Variants in RFX4 observed in about 807,000 individuals in gnomAD.
RFX4 encodes transcription factor RFX4.
A neutral mutation model predicts 95.0 loss-of-function variants in RFX4; 10 were observed. That is an observed-to-expected ratio of 0.11 (90% CI 0.06 to 0.18). RFX4 has a LOEUF of 0.18. RFX4 is among the 10% of genes least tolerant of loss of function. RFX4 has a pLI of 1.00. For missense variants in RFX4, 640 were observed against 922.0 expected, an observed-to-expected ratio of 0.69 and a Z score of 3.96; for synonymous variants, 321 against 340.7, an observed-to-expected ratio of 0.94 and a Z score of 0.64.
intron 5 of RFX4, chr12:106,685,044 G>A: frequency 6.7e-7 from 1 of 1,487,756 alleles, no homozygotes; most frequent in Non-Finnish European, 9.1e-7. Flanking sequence ...GTATCTCCAT[G>A]GGTAGAGAAA....
intron 4 of RFX4, 106 bp from the exon 5 acceptor site, chr12:106,681,887 C>A: frequency 8.5e-7 from 1 of 1,179,236 alleles, no homozygotes; most frequent in Non-Finnish European, 1.3e-6. Flanking sequence ...TCATTGCAAC[C>A]AAGGACCTAT....
chr12:106,727,935 T>C (rs1323102366), intron 13 of RFX4, among the ~76,000 whole-genome samples: 3 of 152,146 alleles, frequency 2.0e-5, no homozygotes, highest in African/African-American at 4.8e-5. Flanking sequence ...TCAGTTTTTA[T>C]AAAATCATTG....
intron 2 of RFX4, among the ~76,000 whole-genome samples, chr12:106,625,560 T>C (rs1299638776): frequency 6.6e-6 from 1 of 152,166 alleles, no homozygotes; most frequent in Non-Finnish European, 1.5e-5. Context: ...CTGTAAAATA[T>C]TAAAAAGTCC....
intron 13 of RFX4, among the ~76,000 whole-genome samples, chr12:106,724,802 A>C (rs2042460527): frequency 6.6e-6 from 1 of 152,190 alleles, no homozygotes; most frequent in Admixed American, 6.5e-5. Flanking sequence ...CCCTGAGGTC[A>C]GGAGTTTGAG....
At position 106,681,993 on chromosome 12, in the gene RFX4, A is replaced by G; in HGVS notation, c.316A>G (p.Ile106Val). The change falls in exon 5 of 18, where the codon ATC becomes GTC. Residue 106 changes from isoleucine (I) to valine (V), a missense_variant and splice_region_variant. Coordinates refer to ENST00000392842, the MANE Select transcript of RFX4 (RefSeq NM_213594.3). ...AACTGATTCTTGTGTTGACTTACAG[A>G]TCATAAGGCAGCAGTTTCCTCAGTT... ...QPVNAASFGK[I>V]IRQQFPQLTT... 1 of 1,614,170 alleles carries G rather than the reference A, an allele frequency of 6.2e-7. No homozygotes were observed. The highest frequency in any genetic ancestry group is 1.1e-5 in the South Asian group (1 of 91,084).
chr12:106,601,560 C>T (rs1750830739), intron 1 of RFX4, among the ~76,000 whole-genome samples: 1 of 152,228 alleles, frequency 6.6e-6, no homozygotes, highest in African/African-American at 2.4e-5. Flanking sequence ...ATCCCGGTGA[C>T]ACTTTTTAAG....
Position 106,720,183 on chromosome 12 carries a change from TG to T in RFX4, c.1233+131del. The T allele has an allele frequency of 1.3e-6, 1 of 746,880 alleles. No homozygotes were observed. The allele number at this position is 746,880 out of a possible 1,614,324, so 46.3% of individuals were successfully genotyped here. A position where few individuals can be genotyped will look rare whatever the true frequency, so the allele number is the denominator to read the frequency against. Reference sequence around the variant, plus strand: ...GGTTTTGAGGAGAGGCCCCAGGAGGTGGAGGGGTCAGGAGGCAGGACTCTTG... The same window carrying T: ...GGTTTTGAGGAGAGGCCCCAGGAGGTGAGGGGTCAGGAGGCAGGACTCTTG... On this transcript the variant is annotated intron_variant, in intron 12 of 17. Transcript: ENST00000392842. This position sits in a 1 kb window ranked among gnomAD's most constrained non-coding sequence, Gnocchi z 4.2.
rs190947399 is a variant in RFX4 at position 106,604,356 on chromosome 12, C to T, written c.44-4441C>T. On this transcript the variant is annotated intron_variant, in intron 1 of 17. Transcript: ENST00000392842. ...AGGCTGGTCTTGAACTCCTGACCTC[C>T]GGTGATCAGCCCGCCTCAGCCTCCC... Among the ~76,000 whole-genome samples, 69 of 151,790 alleles carry T rather than the reference C, an allele frequency of 4.5e-4. 1 individual carries two copies. In the East Asian group the frequency reaches 0.011, roughly 23 times the overall value.
chr12:106,599,952 T>C (rs1219248537), intron 1 of RFX4, among the ~76,000 whole-genome samples: 4 of 152,124 alleles, frequency 2.6e-5, no homozygotes, highest in African/African-American at 7.2e-5. Flanking sequence ...CCCTCTAAAA[T>C]ATGTTTAGCA....
At chr12:106,606,383 A>T (rs1385802910) in intron 1 of RFX4, among the ~76,000 whole-genome samples, 1 of 152,134 alleles carries the variant, frequency 6.6e-6, no homozygotes, top group Non-Finnish European at 1.5e-5. Flanking sequence ...GGGGCTGCAA[A>T]CTTTAGCAGA....
intron 13 of RFX4, among the ~76,000 whole-genome samples, chr12:106,725,766 A>G (rs2042483243): frequency 1.3e-5 from 2 of 152,194 alleles, no homozygotes; most frequent in South Asian, 4.1e-4. Context: ...AATGGATGGT[A>G]AATGAAAGCA....
At chr12:106,613,642 GT>G (rs904703919) in intron 2 of RFX4, among the ~76,000 whole-genome samples, 2 of 152,128 alleles carry the variant, frequency 1.3e-5, no homozygotes, top group East Asian at 3.9e-4. Flanking sequence ...GGTATTATAG[GT>G]GTGAGCCACC....
chr12:106,689,417 A>T, intron 7 of RFX4, 53 bp downstream of exon 7: 1 of 1,417,378 alleles, frequency 7.1e-7, no homozygotes, highest in Non-Finnish European at 1.0e-6. Flanking sequence ...ATCTTGTAAC[A>T]CTAGCTCCTA....
chr12:106,608,138 G>A (rs2039877204), intron 1 of RFX4, among the ~76,000 whole-genome samples: 6 of 152,126 alleles, frequency 3.9e-5, no homozygotes, highest in Admixed American at 3.9e-4. Context: ...GCAGTGAGCC[G>A]AGATCACGCC....
At chr12:106,612,598 G>A (rs2039983398) in intron 2 of RFX4, among the ~76,000 whole-genome samples, 1 of 152,206 alleles carries the variant, frequency 6.6e-6, no homozygotes, top group Non-Finnish European at 1.5e-5. Flanking sequence ...AGCACTTTGG[G>A]AGGCCGAGGG....
chr12:106,671,675 G>T (rs979222902), intron 4 of RFX4, among the ~76,000 whole-genome samples: 2 of 151,522 alleles, frequency 1.3e-5, no homozygotes, highest in Non-Finnish European at 2.9e-5. Context: ...TCTTTCTTTT[G>T]TTTGGAGATG....
intron 2 of RFX4, among the ~76,000 whole-genome samples, chr12:106,630,173 C>A (rs2040390914): frequency 6.6e-6 from 1 of 152,010 alleles, no homozygotes; most frequent in Admixed American, 6.6e-5. Context: ...GCAGATGAGA[C>A]CATTGTCTGT....
intron 4 of RFX4, among the ~76,000 whole-genome samples, chr12:106,657,914 A>G (rs2137329216): frequency 6.6e-6 from 1 of 152,186 alleles, no homozygotes; most frequent in East Asian, 1.9e-4. Context: ...ATATAGATAT[A>G]TAGCTAACTT....
intron 6 of RFX4, among the ~76,000 whole-genome samples, chr12:106,687,454 C>T (rs537599336): frequency 5.7e-4 from 86 of 149,940 alleles, no homozygotes; most frequent in Admixed American, 4.4e-3. Context: ...GAGGCTGAGG[C>T]GGGAGAATTG....
Sources: gnomAD v4.1 joint callset for allele counts (sites outside exome capture counted in the v4.1 genomes callset) on GRCh38, gnomAD v4.1.1 for gene constraint, Gnocchi (gnomAD v3.1) non-coding constraint, MANE v1.5 for transcripts, NCBI Gene and HGNC (gene_info 2026-07-23, HGNC 2026-07-21) for gene names.